The following TANGO6 variants were observed in gnomAD, a reference collection of about 807,000 sequenced individuals.
TANGO6 encodes transport and golgi organization 6 homolog.
A neutral mutation model predicts 114.2 loss-of-function variants in TANGO6; 90 were observed. That is an observed-to-expected ratio of 0.79 (90% confidence interval 0.66 to 0.94). The LOEUF is 0.94. Ranked by LOEUF, TANGO6 falls within the 40% of genes least tolerant of loss-of-function variation. TANGO6 has a pLI of 0.00. For synonymous variants in TANGO6, 477 were observed against 509.8 expected (o/e 0.94, Z 0.87); for missense variants, 1,274 against 1,315.3 (o/e 0.97, Z 0.49).
intron 15 of TANGO6, among the ~76,000 whole-genome samples, chr16:68,996,617 T>C (rs1963992205): frequency 6.6e-6 from 1 of 152,158 alleles, no homozygotes; most frequent in Non-Finnish European, 1.5e-5. Flanking sequence ...GTGTCATCCC[T>C]AGAGATCCAT....
intron 16 of TANGO6, among the ~76,000 whole-genome samples, chr16:69,031,206 C>G (rs576432399): frequency 6.6e-6 from 1 of 152,164 alleles, no homozygotes; most frequent in African/African-American, 2.4e-5. Context: ...TCTACAGAAT[C>G]AATCCCAGGA....
At chr16:68,978,769 A>C (rs907730936) in intron 15 of TANGO6, among the ~76,000 whole-genome samples, 6 of 151,788 alleles carry the variant, frequency 4.0e-5, no homozygotes, top group Non-Finnish European at 1.5e-5. Context: ...GGTGCAGTAC[A>C]CTATGTTACC....
At chr16:69,035,953 G>A (rs1198457974) in intron 16 of TANGO6, 1 of 148,930 alleles carries the variant, frequency 6.7e-6, no homozygotes, top group African/African-American at 2.5e-5. Flanking sequence ...GCTGAGACAA[G>A]AATCACTTGA....
At chr16:69,057,387 A>G (rs1259385153) in intron 17 of TANGO6, among the ~76,000 whole-genome samples, 1 of 152,108 alleles carries the variant, frequency 6.6e-6, no homozygotes, top group Non-Finnish European at 1.5e-5. Flanking sequence ...CCATTTCAGT[A>G]TGATTACTAT....
chr16:68,885,170 C>G (rs750020361), intron 7 of TANGO6, among the ~76,000 whole-genome samples: 1 of 152,150 alleles, frequency 6.6e-6, no homozygotes, highest in Non-Finnish European at 1.5e-5. Context: ...GTAAATTGAT[C>G]CAGCTGCTCA....
intron 14 of TANGO6, among the ~76,000 whole-genome samples, chr16:68,966,514 A>AT (rs549160128): frequency 1.5e-3 from 225 of 149,724 alleles, no homozygotes; most frequent in African/African-American, 5.2e-3. Flanking sequence ...AAAAAAAAAT[A>AT]AAATAAAATA....
intron 17 of TANGO6, among the ~76,000 whole-genome samples, chr16:69,047,793 A>G (rs1959886228): frequency 1.3e-5 from 2 of 152,216 alleles, no homozygotes; most frequent in South Asian, 4.1e-4. Flanking sequence ...ATGGATTTAT[A>G]GTGGCTAATA....
chr16:69,055,637 T>A (rs1052211101), intron 17 of TANGO6, among the ~76,000 whole-genome samples: 1 of 152,262 alleles, frequency 6.6e-6, no homozygotes, highest in Non-Finnish European at 1.5e-5. Context: ...AAAGTCAGGC[T>A]GGGGCCAGTG....
chr16:68,955,569 G>T (rs557142009), intron 14 of TANGO6, among the ~76,000 whole-genome samples: 2 of 152,016 alleles, frequency 1.3e-5, no homozygotes, highest in Admixed American at 1.3e-4. Flanking sequence ...TGGGTCACTG[G>T]GTCAAAAATT....
At chr16:68,991,015 A>C (rs926921431) in intron 15 of TANGO6, among the ~76,000 whole-genome samples, 3 of 152,182 alleles carry the variant, frequency 2.0e-5, no homozygotes, top group African/African-American at 4.8e-5. Flanking sequence ...ACACGTGATA[A>C]AGACAGAAAA....
intron 17 of TANGO6, among the ~76,000 whole-genome samples, chr16:69,055,774 C>G (rs1410610574): frequency 6.6e-6 from 1 of 152,216 alleles, no homozygotes; most frequent in Non-Finnish European, 1.5e-5. Context: ...TGGCGTGTCA[C>G]GCCTGTAATC....
intron 16 of TANGO6, among the ~76,000 whole-genome samples, chr16:69,038,616 G>C (rs1486545248): frequency 2.0e-5 from 3 of 152,002 alleles, no homozygotes; most frequent in Non-Finnish European, 4.4e-5. Flanking sequence ...ACATTTTTCT[G>C]CCTACCAGGA....
At chr16:68,906,156 G>A (rs1393503836) in intron 9 of TANGO6, among the ~76,000 whole-genome samples, 1 of 151,948 alleles carries the variant, frequency 6.6e-6, no homozygotes, top group Non-Finnish European at 1.5e-5. Context: ...TTCCAGCCTG[G>A]GCAACAGGAG....
At chr16:68,848,211 A>T (rs958688572) in intron 1 of TANGO6, among the ~76,000 whole-genome samples, 1 of 151,948 alleles carries the variant, frequency 6.6e-6, no homozygotes, top group African/African-American at 2.4e-5. Context: ...GGCTCGGGTG[A>T]TGCTTCTACC....
intron 16 of TANGO6, among the ~76,000 whole-genome samples, chr16:69,031,368 A>G (rs2152231206): frequency 6.6e-6 from 1 of 152,136 alleles, no homozygotes; most frequent in East Asian, 2.0e-4. Flanking sequence ...AGAGCAGAGA[A>G]GGATGGTTGG....
chr16:68,865,368 C>T (rs1962160409), intron 3 of TANGO6, among the ~76,000 whole-genome samples: 4 of 151,932 alleles, frequency 2.6e-5, no homozygotes, highest in Admixed American at 2.6e-4. Context: ...GCAGCACCTT[C>T]TGCAGGGGAT....
chr16:69,018,484 T>C (rs1959344471), intron 15 of TANGO6, among the ~76,000 whole-genome samples: 1 of 151,638 alleles, frequency 6.6e-6, no homozygotes, highest in Admixed American at 6.6e-5. Context: ...TAGGAGTTAC[T>C]CATAGGTAAC....
chr16:68,852,878 A>G (rs1373101926), intron 1 of TANGO6, among the ~76,000 whole-genome samples: 2 of 151,998 alleles, frequency 1.3e-5, no homozygotes, highest in Non-Finnish European at 2.9e-5. Flanking sequence ...TATATGGCGA[A>G]CACCCTTATA....
chr16:69,077,846 A>G (rs565259881), intron 17 of TANGO6, among the ~76,000 whole-genome samples: 14 of 152,324 alleles, frequency 9.2e-5, no homozygotes, highest in African/African-American at 3.1e-4. Context: ...GAAAAAAGAA[A>G]AAAAGGCAAA....
Sources: gnomAD v4.1 joint callset for allele counts (sites outside exome capture counted in the v4.1 genomes callset) on GRCh38, gnomAD v4.1.1 for gene constraint, MANE v1.5 for transcripts, NCBI Gene and HGNC (gene_info 2026-07-23, HGNC 2026-07-21) for gene names.